Variants in GSE1 observed in about 807,000 individuals in gnomAD.
GSE1 encodes the protein genetic suppressor element 1.
Under a neutral mutation model 112.6 loss-of-function variants are expected in GSE1, and 32 were observed. The ratio of observed to expected loss-of-function variants is 0.28; its 90% CI spans 0.21 to 0.38. The LOEUF (loss-of-function observed/expected upper bound fraction) is 0.38, where lower values mean the gene tolerates loss of function less well. GSE1 is among the 10% of genes least tolerant of loss of function. GSE1 has a pLI of 1.00. For missense variants in GSE1, 2,348 were observed against 1,699.2 expected (o/e 1.38, Z -6.71); for synonymous variants, 1,115 against 735.6 (o/e 1.52, Z -8.35).
chr16:85,591,070 T>G (rs1024160124), intron 1 of GSE1, among the ~76,000 whole-genome samples: 1 of 152,158 alleles, frequency 6.6e-6, no homozygotes, highest in Admixed American at 6.5e-5. Context: ...CTTACTCTTG[T>G]TCGTGTGGGA....
In GSE1 at chr16:85,675,079, C is replaced by A. The variant is rs1179403374; in HGVS notation, c.*2540C>A. 1 of 152,324 alleles carries A rather than the reference C, an allele frequency of 6.6e-6. No individual in the cohort carries two copies. Among genetic ancestry groups the A allele is most frequent in the Non-Finnish European group, 1.5e-5 (1 of 68,050 alleles). 9.4% of individuals were successfully genotyped at this position (152,324 alleles called of 1,614,324 possible). On this transcript the variant is annotated 3_prime_UTR_variant, in exon 16 of 16. Transcript: ENST00000253458. The stretch of plus-strand genomic sequence containing the variant: ...ATTAGTTTCATACTTTGAAAACTTA[C>A]TTTCAGATTATTCTCAAAGAACACA...
chr16:85,646,649 T>C (rs1421424082), intron 2 of GSE1, among the ~76,000 whole-genome samples: 2 of 152,154 alleles, frequency 1.3e-5, no homozygotes, highest in Non-Finnish European at 2.9e-5. Flanking sequence ...AGCCGGACAC[T>C]GAGCTGTGTA....
At chr16:85,246,498 A>ACCCCCCCCC (rs1567636430) in intron 1 of GSE1, among the ~76,000 whole-genome samples, 39 of 31,524 alleles carry the variant, frequency 1.2e-3, no homozygotes, top group African/African-American at 1.9e-3. Flanking sequence ...CACACTCTAC[A>ACCCCCCCCC]CACCCCCCCC....
intron 2 of GSE1, among the ~76,000 whole-genome samples, chr16:85,382,930 G>A (rs532884456): frequency 3.7e-4 from 55 of 148,440 alleles, no homozygotes; most frequent in African/African-American, 8.3e-4. Flanking sequence ...GCACACACGC[G>A]CACACAACAC....
Position 85,661,128 on chromosome 16 carries a change from G to A in GSE1, c.1641-18G>A. The A allele has an allele frequency of 6.5e-7, 1 of 1,548,210 alleles. No individual in the cohort carries two copies. Among genetic ancestry groups the A allele is most frequent in the Non-Finnish European group, 8.7e-7 (1 of 1,143,196 alleles). ...AGGGTCTTTTCTCCCTGACTGAAGG[G>A]TTGGTTTCACTCCCTAGGCCAGGAC... On this transcript the variant is annotated intron_variant, in intron 8 of 15. Coordinates refer to ENST00000253458, the MANE Select transcript of GSE1 (RefSeq NM_014615.5).
intron 2 of GSE1, among the ~76,000 whole-genome samples, chr16:85,473,069 A>G (rs570429741): frequency 7.5e-4 from 115 of 152,354 alleles, no homozygotes; most frequent in African/African-American, 2.6e-3. Context: ...GGAGCAGGGC[A>G]CAAGGGAGGC....
At chr16:85,237,047 T>C (rs902867989) in intron 1 of GSE1, among the ~76,000 whole-genome samples, 2 of 152,246 alleles carry the variant, frequency 1.3e-5, no homozygotes, top group African/African-American at 4.8e-5. Context: ...AATAATGGGC[T>C]GGGCGCCGTG....
chr16:85,491,006 C>T (rs1029393765), intron 2 of GSE1, among the ~76,000 whole-genome samples: 1 of 152,164 alleles, frequency 6.6e-6, no homozygotes. Flanking sequence ...CTCCACACCC[C>T]GATCTCTCCC....
intron 2 of GSE1, among the ~76,000 whole-genome samples, chr16:85,535,869 C>G (rs768688309): frequency 2.0e-5 from 3 of 152,232 alleles, no homozygotes; most frequent in Non-Finnish European, 4.4e-5. Flanking sequence ...CTGTCCTGTC[C>G]GGCCCTACCT....
intron 2 of GSE1, among the ~76,000 whole-genome samples, chr16:85,358,035 C>T (rs1160063985): frequency 2.0e-5 from 3 of 152,164 alleles, no homozygotes; most frequent in Non-Finnish European, 4.4e-5. Flanking sequence ...CCCAGGTGCA[C>T]GTGTGCGCTT....
At chr16:85,343,351 C>T (rs896580206) in intron 1 of GSE1, among the ~76,000 whole-genome samples, 9 of 152,034 alleles carry the variant, frequency 5.9e-5, no homozygotes, top group African/African-American at 1.2e-4. Context: ...CTGCTTGTGG[C>T]GGGTACTACA....
chr16:85,315,292 C>T (rs771602275), intron 1 of GSE1, among the ~76,000 whole-genome samples: 2 of 152,214 alleles, frequency 1.3e-5, no homozygotes, highest in South Asian at 4.1e-4. Flanking sequence ...TGCTCTCCTG[C>T]AGTCCGGTCT....
intron 1 of GSE1, chr16:85,592,294 C>G (rs968348373): frequency 6.6e-6 from 1 of 152,048 alleles, no homozygotes; most frequent in Non-Finnish European, 1.5e-5. Context: ...TCCCAAGTAG[C>G]TGGGACCACC....
At chr16:85,510,407 C>CGTGTGTGTGTGTCTGTGT (rs1555524670) in intron 2 of GSE1, among the ~76,000 whole-genome samples, 8 of 149,302 alleles carry the variant, frequency 5.4e-5, no homozygotes, top group Non-Finnish European at 1.0e-4. Context: ...CCCGAGCGTG[C>CGTGTGTGTGTGTCTGTGT]GTGTGTGTGT....
At chr16:85,496,177 A>G (rs1196491243) in intron 2 of GSE1, among the ~76,000 whole-genome samples, 1 of 152,184 alleles carries the variant, frequency 6.6e-6, no homozygotes, top group Non-Finnish European at 1.5e-5. Flanking sequence ...CTCGCTCCCC[A>G]GAGGTGAGAG....
intron 1 of GSE1, among the ~76,000 whole-genome samples, chr16:85,356,394 G>A (rs1488843677): frequency 2.6e-5 from 4 of 152,266 alleles, no homozygotes; most frequent in African/African-American, 9.6e-5. Context: ...CACCCGGGGA[G>A]GGACACGGCT....
intron 1 of GSE1, among the ~76,000 whole-genome samples, chr16:85,276,672 G>C (rs1261582112): frequency 6.6e-6 from 1 of 152,190 alleles, no homozygotes; most frequent in African/African-American, 2.4e-5. Context: ...TCGGTGGCGG[G>C]AGACAGGATG....
intron 2 of GSE1, among the ~76,000 whole-genome samples, chr16:85,368,662 A>G (rs1249042321): frequency 6.6e-6 from 1 of 152,202 alleles, no homozygotes; most frequent in Non-Finnish European, 1.5e-5. Flanking sequence ...CCATGCTTGC[A>G]TCACTGTACT....
At position 85,654,836 on chromosome 16, in the gene GSE1, G is replaced by C. The variant is rs1598616622; in HGVS notation, c.642G>C (p.Val214=). ...ACCACGTGGTGCCCCCCAGTACCGT[G>C]ACCGAGGACTACCTGAGAAGCTTCC... The part of the protein sequence containing the change: ...PVHHVVPPST[V]TEDYLRSFRP... The change falls in exon 5 of 16, where the codon GTG becomes GTC. Residue 214 remains valine, a synonymous_variant. Coordinates refer to ENST00000253458, the MANE Select transcript of GSE1 (RefSeq NM_014615.5). The C allele has an allele frequency of 1.2e-6, 2 of 1,612,074 alleles. No homozygotes were observed. The highest frequency in any genetic ancestry group is 8.5e-7 in the Non-Finnish European group (1 of 1,179,680).
Sources: allele counts gnomAD v4.1 joint callset (sites outside exome capture counted in the v4.1 genomes callset), GRCh38; gene constraint gnomAD v4.1.1; transcripts MANE v1.5; gene names NCBI Gene and HGNC (gene_info 2026-07-23, HGNC 2026-07-21).